Variants in PDCD4 observed in about 807,000 individuals in gnomAD.
PDCD4 encodes programmed cell death 4.
In PDCD4, 56 loss-of-function variants were observed where a neutral mutation model predicts 54.0. The observed-to-expected ratio is 1.04, with a 90% CI of 0.84 to 1.30. The LOEUF is 1.30. Among genes scored for constraint, PDCD4 ranks in the 50% most tolerant of loss-of-function variants. The probability of loss-of-function intolerance (pLI) is 0.00; values close to 1 mark genes in which losing one functional copy is unlikely to be tolerated. For missense variants in PDCD4, 584 were observed against 559.8 expected (o/e 1.04, Z -0.44); for synonymous variants, 186 against 194.8 (o/e 0.95, Z 0.37).
At chr10:110,875,228 T>A (rs1353140565) in intron 1 of PDCD4, among the ~76,000 whole-genome samples, 1 of 152,166 alleles carries the variant, frequency 6.6e-6, no homozygotes, top group Non-Finnish European at 1.5e-5. Context: ...CCAGTATTAA[T>A]AATTTTTAAG....
intron 1 of PDCD4, among the ~76,000 whole-genome samples, chr10:110,873,561 C>T (rs1845455420): frequency 6.6e-6 from 1 of 152,156 alleles, no homozygotes; most frequent in African/African-American, 2.4e-5. Flanking sequence ...TGTCAGCCTT[C>T]ATTTTCTTCT....
intron 11 of PDCD4, among the ~76,000 whole-genome samples, chr10:110,897,049 A>G (rs935998779): frequency 7.9e-5 from 12 of 152,208 alleles, no homozygotes; most frequent in African/African-American, 2.9e-4. Context: ...CCTTCTTATT[A>G]TTGACTGCTT....
At chr10:110,893,054 G>A (rs1248721484) in intron 8 of PDCD4, among the ~76,000 whole-genome samples, 1 of 152,050 alleles carries the variant, frequency 6.6e-6, no homozygotes, top group African/African-American at 2.4e-5. Flanking sequence ...TAGCACTGGT[G>A]TGTAGTAGGC....
At chr10:110,874,464 G>A (rs1180234373) in intron 1 of PDCD4, among the ~76,000 whole-genome samples, 2 of 151,990 alleles carry the variant, frequency 1.3e-5, no homozygotes, top group East Asian at 3.8e-4. Flanking sequence ...GATGCTGAGT[G>A]TTTAGATTTG....
chr10:110,881,251 ACTCT>A lies in PDCD4; in HGVS notation c.67_70del (p.Leu23PhefsTer13). 1.2e-6 allele frequency: 2 copies of A among 1,612,030 alleles called. No homozygotes were observed. The highest frequency in any genetic ancestry group is 1.7e-4 in the Middle Eastern group (1 of 6,052). ...CTTTAAGATCCTGATAACTTAAGTG[ACTCT>A]CTCTTTTCCGGTGATGAAGAAAATG... On this transcript the variant is annotated frameshift_variant, in exon 3 of 12. Coordinates refer to ENST00000280154, the MANE Select transcript of PDCD4 (RefSeq NM_014456.5). LOFTEE classifies it high-confidence loss of function.
chr10:110,880,791 C>T (rs1012053935), intron 2 of PDCD4, among the ~76,000 whole-genome samples: 4 of 152,158 alleles, frequency 2.6e-5, no homozygotes, highest in Non-Finnish European at 4.4e-5. Flanking sequence ...GTGTCTAGCA[C>T]AGTGCCTAAT....
chr10:110,872,695 G>C (rs1845437606), intron 1 of PDCD4, among the ~76,000 whole-genome samples: 1 of 152,236 alleles, frequency 6.6e-6, no homozygotes. Flanking sequence ...ATCCCTGCGC[G>C]AACTTCGTCG....
In PDCD4 at chr10:110,899,766, G is replaced by A. The variant is rs1232697157; in HGVS notation, c.*1678G>A. The A allele has an allele frequency of 6.8e-6, 1 of 147,996 alleles. No homozygotes were observed. The highest frequency in any genetic ancestry group is 1.5e-5 in the Non-Finnish European group (1 of 67,568). 9.2% of individuals were successfully genotyped at this position (147,996 alleles called of 1,614,324 possible). Reference sequence around the variant, plus strand: ...GAGTCGAGATGGTGCCATTGCTCTCGTTTGGGCAACAAGAGTGAAACTCTT... The same window carrying A: ...GAGTCGAGATGGTGCCATTGCTCTCATTTGGGCAACAAGAGTGAAACTCTT... On this transcript the variant is annotated 3_prime_UTR_variant, in exon 12 of 12. Transcript: ENST00000280154.
chr10:110,891,145 T>TTGTAATCCCAGCACTTTGAGAGGC (rs1845749314), intron 8 of PDCD4, among the ~76,000 whole-genome samples: 1 of 152,228 alleles, frequency 6.6e-6, no homozygotes, highest in South Asian at 2.1e-4. Flanking sequence ...AGAAAATTGA[T>TTGTAATCCCAGCACTTTGAGAGGC]TGTAATCCCA....
chr10:110,872,458 C>G (rs919974093), intron 1 of PDCD4, among the ~76,000 whole-genome samples: 17 of 152,238 alleles, frequency 1.1e-4, no homozygotes, highest in Non-Finnish European at 2.2e-4. Context: ...CCCTCCCCGC[C>G]CCCTGCCCTC....
chr10:110,885,324 C>A lies in PDCD4; in HGVS notation c.513C>A (p.Ile171=), dbSNP rs774475093. The A allele has an allele frequency of 2.5e-6, 4 of 1,595,018 alleles. No individual in the cohort carries two copies. In the African/African-American group the frequency reaches 4.0e-5, roughly 16 times the overall value. ...CATTTGAGAAGACTTTAACACCAAT[C>A]ATACAGGAATATTTTGAGCATGGAG... ...ERAFEKTLTP[I]IQEYFEHGDT... is the part of the protein sequence containing the mutation. The change falls in exon 5 of 12, where the codon ATC becomes ATA. Residue 171 remains isoleucine, a synonymous_variant. Transcript: ENST00000280154.
At chr10:110,885,955 T>C (rs1845664467) in intron 5 of PDCD4, among the ~76,000 whole-genome samples, 1 of 152,172 alleles carries the variant, frequency 6.6e-6, no homozygotes, top group South Asian at 2.1e-4. Flanking sequence ...AGTAATACAA[T>C]TGTAACTCTT....
At chr10:110,893,196 T>C (rs1327549) in intron 8 of PDCD4, among the ~76,000 whole-genome samples, 78,227 of 151,638 alleles carry the variant, frequency 0.52, 24,581 homozygotes, top group Non-Finnish European at 0.7. Flanking sequence ...GTAAAAATAC[T>C]CAAATGCTAT....
rs5787876 is a variant in PDCD4, at chr10:110,898,158, G to GT, written c.*90dup. 0.031 allele frequency: 11,721 copies of GT among 381,450 alleles called. 1 individual carries two copies. The highest frequency in any genetic ancestry group is 0.037 in the Middle Eastern group (47 of 1,284). The allele number at this position is 381,450 out of a possible 1,614,324, so 23.6% of individuals were successfully genotyped here. A position where few individuals can be genotyped will look rare whatever the true frequency, so the allele number is the denominator to read the frequency against. ...TGAATTGTAAGAGTTGTTAGCACAA[G>GT]TTTTTTTTTTTTTTTTTTTTAAGCA... On this transcript the variant is annotated 3_prime_UTR_variant, in exon 12 of 12. Transcript: ENST00000280154.
chr10:110,878,635 A>G (rs17128099), intron 2 of PDCD4, among the ~76,000 whole-genome samples: 10,844 of 152,170 alleles, frequency 0.071, 809 homozygotes, highest in East Asian at 0.33. Context: ...TTAGCTGTCA[A>G]TACTCTGCTG....
intron 7 of PDCD4, among the ~76,000 whole-genome samples, chr10:110,889,838 A>G (rs1845729356): frequency 6.6e-6 from 1 of 152,184 alleles, no homozygotes; most frequent in African/African-American, 2.4e-5. Flanking sequence ...GTTTAGCTAA[A>G]TCATTAATTA....
At chr10:110,876,541 T>A (rs1185695212) in intron 2 of PDCD4, 7 of 392,046 alleles carry the variant, frequency 1.8e-5, no homozygotes, top group Non-Finnish European at 4.6e-6. Context: ...TGTTATATAG[T>A]ACAGAATAGA....
chr10:110,878,934 T>C (rs1236736881), intron 2 of PDCD4, among the ~76,000 whole-genome samples: 1 of 152,204 alleles, frequency 6.6e-6, no homozygotes, highest in Non-Finnish European at 1.5e-5. Flanking sequence ...GTACTACGAC[T>C]ACTTCCACTA....
chr10:110,881,636 C>CTTT, intron 3 of PDCD4, 101 bp downstream of exon 3: 1 of 946,740 alleles, frequency 1.1e-6, no homozygotes, highest in Non-Finnish European at 1.6e-6. Context: ...GAGAGAGATT[C>CTTT]AAAAAGTGAA....
Sources: gnomAD v4.1 joint callset for allele counts (sites outside exome capture counted in the v4.1 genomes callset) on GRCh38, gnomAD v4.1.1 for gene constraint, MANE v1.5 for transcripts, NCBI Gene and HGNC (gene_info 2026-07-23, HGNC 2026-07-21) for gene names.